FRMPD4: variants seen among roughly 807,000 people sequenced by gnomAD.
FRMPD4 encodes the protein FERM and PDZ domain containing 4, also known as FERM and PDZ domain-containing protein 4.
FRMPD4 carries 22 observed loss-of-function variants against 94.1 expected under a neutral mutation model. The observed-to-expected ratio is 0.23, with a 90% CI of 0.17 to 0.33. The LOEUF is 0.33. Ranked by LOEUF, FRMPD4 falls within the 10% of genes least tolerant of loss-of-function variation. The pLI is 1.00. For missense variants in FRMPD4, 1,111 were observed against 1,339.9 expected, an observed-to-expected ratio of 0.83 and a Z score of 2.67; for synonymous variants, 631 against 548.6, an observed-to-expected ratio of 1.15 and a Z score of -2.10.
intron 1 of FRMPD4, among the ~76,000 whole-genome samples, chrX:12,158,414 C>T (rs868854350): frequency 3.6e-5 from 4 of 111,756 alleles, no homozygotes; most frequent in South Asian, 3.8e-4. Flanking sequence ...TAAGACTGTT[C>T]GGTGATGCAT....
chrX:12,114,922 A>G (rs1033524932), intron 3 of FRMPD4, among the ~76,000 whole-genome samples: 14 of 112,344 alleles, frequency 1.2e-4, no homozygotes, highest in African/African-American at 6.5e-5. Context: ...AGCACAGTAC[A>G]TGTAACCTAT....
chrX:11,932,976 G>A (rs2054130240), intron 3 of FRMPD4, among the ~76,000 whole-genome samples: 1 of 111,689 alleles, frequency 9.0e-6, no homozygotes, highest in Middle Eastern at 4.2e-3. Flanking sequence ...TGAGAGCAGG[G>A]GCACTGCTTT....
Position 11,870,928 on chromosome X carries a change from C to T in FRMPD4, c.-30+5712C>T, listed in dbSNP as rs760542710. Among the ~76,000 whole-genome samples the T allele has an allele frequency of 4.5e-5, 5 of 112,184 alleles. No homozygotes were observed. The South Asian group carries it at 1.5e-3, about 34-fold the overall frequency. Reference sequence around the variant, plus strand: ...ACATTGGCCTCCCAAATTAACTCTGCTTATATGAAGCTCATGCTCCACAGA... The same window carrying T: ...ACATTGGCCTCCCAAATTAACTCTGTTTATATGAAGCTCATGCTCCACAGA... On this transcript the variant is annotated intron_variant, in intron 2 of 18. Transcript: ENST00000640291.
At chrX:12,403,270 C>A (rs112893734) in intron 1 of FRMPD4, among the ~76,000 whole-genome samples, 2 of 111,457 alleles carry the variant, frequency 1.8e-5, no homozygotes, top group African/African-American at 3.3e-5. Flanking sequence ...GGATCACTCC[C>A]CTGCTCCACT....
intron 1 of FRMPD4, among the ~76,000 whole-genome samples, chrX:12,153,089 G>A (rs901956956): frequency 1.3e-4 from 14 of 109,740 alleles, no homozygotes; most frequent in African/African-American, 4.6e-4. Flanking sequence ...ACCCGCCACC[G>A]CGCCCGGCTA....
intron 1 of FRMPD4, among the ~76,000 whole-genome samples, chrX:12,281,682 A>T (rs1162669326): frequency 1.8e-5 from 2 of 111,930 alleles, no homozygotes; most frequent in Non-Finnish European, 3.8e-5. Context: ...GGCCTTAAAA[A>T]ATATATATAT....
chrX:12,428,956 TGATA>T (rs2056982559), intron 1 of FRMPD4, among the ~76,000 whole-genome samples: 1 of 112,126 alleles, frequency 8.9e-6, no homozygotes, highest in Non-Finnish European at 1.9e-5. Context: ...GCTTGTGGAT[TGATA>T]GACTTCACTG....
intron 1 of FRMPD4, among the ~76,000 whole-genome samples, chrX:12,411,356 A>G (rs2056730012): frequency 8.9e-6 from 1 of 112,422 alleles, no homozygotes; most frequent in Non-Finnish European, 1.9e-5. Flanking sequence ...TGCTTTGCTG[A>G]TATGCAATTC....
intron 2 of FRMPD4, among the ~76,000 whole-genome samples, chrX:12,529,843 G>C (rs1230143535): frequency 9.4e-6 from 1 of 105,847 alleles, no homozygotes; most frequent in East Asian, 3.0e-4. Context: ...AGCAAATTCA[G>C]TGTCAGCTGA....
Position 12,625,750 on chromosome X carries a change from T to C in FRMPD4, c.422+10869T>C, listed in dbSNP as rs943519056. ...TCAGCAGAATGACTACAGTTAACAGTAATCTATTGTATATTTCAAAATAGC... is the reference window on the plus strand; with the variant it reads ...TCAGCAGAATGACTACAGTTAACAGCAATCTATTGTATATTTCAAAATAGC... On this transcript the variant is annotated intron_variant, in intron 4 of 16. Transcript: ENST00000675598. Among the ~76,000 whole-genome samples, 5 of 111,658 alleles carry C rather than the reference T, an allele frequency of 4.5e-5. 1 individual carries two copies. Among genetic ancestry groups the C allele is most frequent in the Admixed American group, 9.5e-5 (1 of 10,508 alleles).
chrX:11,958,126 T>C (rs2054266137), intron 3 of FRMPD4, among the ~76,000 whole-genome samples: 1 of 111,981 alleles, frequency 8.9e-6, no homozygotes, highest in Non-Finnish European at 1.9e-5. Flanking sequence ...AAATACAGGC[T>C]ACCAGACCCA....
rs148497150 is a variant in FRMPD4, at chrX:12,412,304, A to G, written c.42-86376A>G. 9.8e-5 allele frequency among the ~76,000 whole-genome samples: 11 copies of G among 112,182 alleles called. No homozygotes were observed. In the East Asian group the frequency reaches 2.5e-3, roughly 26 times the overall value. ...TTGCCCATTGTCTGAATTATCTTAC[A>G]CAAAACAAATGCTCCATACATGGAT... On this transcript the variant is annotated intron_variant, in intron 1 of 16. Coordinates refer to ENST00000675598, the MANE Select transcript of FRMPD4 (RefSeq NM_001368397.1).
intron 5 of FRMPD4, 83 bp downstream of exon 5, chrX:12,674,991 T>C (rs1346754052): frequency 7.8e-6 from 5 of 642,271 alleles, no homozygotes; most frequent in East Asian, 6.5e-5. Context: ...ACCATAATGA[T>C]GAATAACAGC....
chrX:12,357,283 C>T (rs1162310808), intron 1 of FRMPD4, among the ~76,000 whole-genome samples: 2 of 111,917 alleles, frequency 1.8e-5, no homozygotes, highest in African/African-American at 3.2e-5. Flanking sequence ...CTTAACTATA[C>T]TCAAAGGGCA....
intron 3 of FRMPD4, among the ~76,000 whole-genome samples, chrX:12,003,179 G>T: frequency 8.9e-6 from 1 of 111,890 alleles, no homozygotes; most frequent in Non-Finnish European, 1.9e-5. Flanking sequence ...AAGCCTGGTA[G>T]GGGAAGAGAG....
At position 11,899,219 on chromosome X, in the gene FRMPD4, T is replaced by G. The variant is rs183178121; in HGVS notation, c.95+21201T>G. On this transcript the variant is annotated intron_variant, in intron 3 of 18. Transcript: ENST00000640291. ...TAAAATGCACCTGGGTGATTGAGAA[T>G]GTATTTGCTTCCTTTCAGGAAGTGG... is the stretch of plus-strand genomic sequence containing the variant. 3.6e-5 allele frequency among the ~76,000 whole-genome samples: 4 copies of G among 111,747 alleles called. No homozygotes were observed. In the Admixed American group the frequency reaches 3.8e-4, roughly 11 times the overall value.
chrX:12,427,897 CTTTTTTTTTT>C (rs139267482), intron 1 of FRMPD4, among the ~76,000 whole-genome samples: 5 of 54,771 alleles, frequency 9.1e-5, no homozygotes, highest in African/African-American at 2.3e-4. Context: ...CCTTTTTTCT[CTTTTTTTTTT>C]TTTTTTTTTT....
intron 3 of FRMPD4, among the ~76,000 whole-genome samples, chrX:11,944,002 T>A (rs1241000361): frequency 8.9e-6 from 1 of 111,908 alleles, no homozygotes; most frequent in Non-Finnish European, 1.9e-5. Flanking sequence ...AACTATCAAA[T>A]ACAACTGCTC....
At chrX:12,652,197 C>T (rs964724751) in intron 4 of FRMPD4, among the ~76,000 whole-genome samples, 4 of 111,919 alleles carry the variant, frequency 3.6e-5, no homozygotes, top group Admixed American at 9.5e-5. Flanking sequence ...GAATCCTCCC[C>T]GTCTTCTTCT....
Sources: allele counts gnomAD v4.1 joint callset (sites outside exome capture counted in the v4.1 genomes callset), GRCh38; gene constraint gnomAD v4.1.1; transcripts MANE v1.5; gene names NCBI Gene and HGNC (gene_info 2026-07-23, HGNC 2026-07-21).